The following MCM8 variants were observed in gnomAD, a reference collection of about 807,000 sequenced individuals.
MCM8 encodes the protein DNA helicase MCM8.
MCM8 carries 85 observed loss-of-function variants against 98.9 expected under a neutral mutation model. The observed-to-expected ratio is 0.86, with a 90% confidence interval of 0.72 to 1.03. The LOEUF (loss-of-function observed/expected upper bound fraction) is 1.03, where lower values mean the gene tolerates loss of function less well. Ranked by LOEUF, MCM8 falls within the 50% of genes least tolerant of loss-of-function variation. The pLI is 0.00. For synonymous variants in MCM8, 352 were observed against 338.6 expected (o/e 1.04, Z -0.44); for missense variants, 951 against 997.8 (o/e 0.95, Z 0.63).
At position 5,996,468 on chromosome 20, in the gene MCM8, A is replaced by T. The variant is rs1478406219; in HGVS notation, c.*2077A>T. On this transcript the variant is annotated 3_prime_UTR_variant, in exon 19 of 19. Transcript: ENST00000610722. ...GAGGCAGAGGTTGCAGTGAGCCAAGATCGTACCACTGCACTCCAGCCTGGG... is the reference window on the plus strand; with the variant it reads ...GAGGCAGAGGTTGCAGTGAGCCAAGTTCGTACCACTGCACTCCAGCCTGGG... The T allele has an allele frequency of 3.3e-5, 5 of 152,080 alleles. No individual in the cohort carries two copies. Among genetic ancestry groups the T allele is most frequent in the African/African-American group, 1.2e-4 (5 of 41,390 alleles). 9.4% of individuals were successfully genotyped at this position (152,080 alleles called of 1,614,324 possible).
At chr20:5,968,598 A>G (rs2089331173) in intron 10 of MCM8, among the ~76,000 whole-genome samples, 1 of 152,246 alleles carries the variant, frequency 6.6e-6, no homozygotes, top group African/African-American at 2.4e-5. Context: ...CTATTGGAAC[A>G]TAGCCACACT....
intron 9 of MCM8, 59 bp from the exon 10 acceptor site, chr20:5,967,771 G>C (rs1321598470): frequency 8.4e-6 from 12 of 1,429,318 alleles, no homozygotes; most frequent in Non-Finnish European, 1.1e-5. Context: ...TATTCTAGTT[G>C]AGTCATTGTA....
intron 17 of MCM8, among the ~76,000 whole-genome samples, chr20:5,991,756 A>G (rs546374538): frequency 2.0e-5 from 3 of 152,084 alleles, no homozygotes; most frequent in Non-Finnish European, 4.4e-5. Context: ...GTATATTCCC[A>G]GGGCCCAGAA....
chr20:5,975,354 T>C (rs542248542), intron 12 of MCM8, among the ~76,000 whole-genome samples: 1 of 152,226 alleles, frequency 6.6e-6, no homozygotes, highest in East Asian at 1.9e-4. Flanking sequence ...CTGTCTTTTG[T>C]GTGGTATACC....
chr20:5,969,729 G>C (rs142714640), intron 10 of MCM8, among the ~76,000 whole-genome samples: 1 of 152,084 alleles, frequency 6.6e-6, no homozygotes. Flanking sequence ...GCTCCACAGG[G>C]GTTTTTTGTC....
chr20:5,974,931 C>CT (rs2089477115), intron 12 of MCM8, among the ~76,000 whole-genome samples: 1 of 152,184 alleles, frequency 6.6e-6, no homozygotes, highest in South Asian at 2.1e-4. Context: ...ACAACAGAGG[C>CT]TCAGGGTACC....
intron 10 of MCM8, among the ~76,000 whole-genome samples, chr20:5,968,401 C>T (rs995167071): frequency 6.6e-5 from 10 of 152,022 alleles, no homozygotes; most frequent in African/African-American, 2.4e-4. Context: ...AAAAATTGGC[C>T]GGGCTTGGTG....
chr20:5,965,502 C>A (rs1012703646), intron 8 of MCM8: 6 of 152,154 alleles, frequency 3.9e-5, no homozygotes, highest in Non-Finnish European at 8.8e-5. Context: ...CCTTTCCCTT[C>A]CCATTTTATT....
intron 7 of MCM8, among the ~76,000 whole-genome samples, chr20:5,959,106 C>T (rs948394744): frequency 6.6e-6 from 1 of 151,744 alleles, no homozygotes; most frequent in Admixed American, 6.6e-5. Context: ...GTTTTTTTTC[C>T]CCTTTATTTC....
At position 5,973,120 on chromosome 20, in the gene MCM8, A is replaced by G. The variant is rs369424165; in HGVS notation, c.1319A>G (p.Asn440Ser). Residue 440 changes from asparagine (N) to serine (S), a missense_variant, in exon 12 of 19, where the codon AAC becomes AGC. Coordinates refer to ENST00000610722, the MANE Select transcript of MCM8 (RefSeq NM_032485.6). The part of the protein sequence containing the change: ...GGSQKYADDK[N>S]RIPIRGDPHI... ...AGCCAGAAATACGCAGATGACAAAA[A>G]CAGAATTCCAATTCGGGGAGACCCC... 1.1e-4 allele frequency: 173 copies of G among 1,614,118 alleles called. No individual in the cohort carries two copies. The highest frequency in any genetic ancestry group is 1.5e-4 in the Non-Finnish European group (172 of 1,180,044).
At position 5,950,882 on chromosome 20, in the gene MCM8, G is replaced by A. The variant is rs1378698106; in HGVS notation, c.-147G>A. On this transcript the variant is annotated 5_prime_UTR_variant, in exon 1 of 19. Coordinates refer to ENST00000610722, the MANE Select transcript of MCM8 (RefSeq NM_032485.6). ...GGACTTGGCAGGAGTCGCCTGAGGAGCTAAGATCCCGGAGACTCTTAGCCC... is the reference window on the plus strand; with the variant it reads ...GGACTTGGCAGGAGTCGCCTGAGGAACTAAGATCCCGGAGACTCTTAGCCC... 2.0e-5 allele frequency: 3 copies of A among 152,314 alleles called. No homozygotes were observed. Among genetic ancestry groups the A allele is most frequent in the East Asian group, 1.9e-4 (1 of 5,182 alleles). The allele number at this position is 152,314 out of a possible 1,614,324, so 9.4% of individuals were successfully genotyped here.
chr20:5,967,681 GAATTTC>G, intron 9 of MCM8, 94 bp downstream of exon 9: 1 of 1,437,326 alleles, frequency 7.0e-7, no homozygotes, highest in South Asian at 1.4e-5. Flanking sequence ...ATAATTTGAG[GAATTTC>G]TTGTTGCTTA....
chr20:5,985,638 C>T lies in MCM8; in HGVS notation c.1954-284C>T, dbSNP rs546746813. On this transcript the variant is annotated intron_variant, in intron 15 of 18. Transcript: ENST00000610722. Reference sequence around the variant, plus strand: ...TTGGCTCACTGCAACCTCTGTCTCCCGGGTTCAAGTGATTCTCCTGCCTCA... The same window carrying T: ...TTGGCTCACTGCAACCTCTGTCTCCTGGGTTCAAGTGATTCTCCTGCCTCA... 1.6e-4 allele frequency among the ~76,000 whole-genome samples: 24 copies of T among 151,756 alleles called. 1 individual carries two copies. Among genetic ancestry groups the T allele is most frequent in the African/African-American group, 4.3e-4 (18 of 41,448 alleles).
intron 12 of MCM8, among the ~76,000 whole-genome samples, chr20:5,975,742 C>T (rs1478124136): frequency 3.3e-5 from 5 of 151,298 alleles, no homozygotes; most frequent in Admixed American, 1.3e-4. Context: ...GTGATCCGCC[C>T]GCCTCAGCCT....
chr20:5,958,568 A>C lies in MCM8; in HGVS notation c.631A>C (p.Arg211=), dbSNP rs3761873. The C allele has an allele frequency of 0.061, 99,011 of 1,613,970 alleles. 4,047 individuals are homozygous for C. The highest frequency in any genetic ancestry group is 0.24 in the East Asian group (10,723 of 44,854). The change falls in exon 7 of 19, where the codon AGA becomes CGA. Residue 211 remains arginine (R), a synonymous_variant. Transcript: ENST00000610722. Reference sequence around the variant, plus strand: ...GCCTTTGACACAGCTCAAGAATGTCAGAGCAAATTACTATGGAAAATACAT... The same window carrying C: ...GCCTTTGACACAGCTCAAGAATGTCCGAGCAAATTACTATGGAAAATACAT... ...YEPLTQLKNV[R]ANYYGKYIAL...
chr20:5,970,993 T>A (rs564409989), intron 10 of MCM8, among the ~76,000 whole-genome samples: 26 of 152,194 alleles, frequency 1.7e-4, no homozygotes, highest in African/African-American at 5.3e-4. Context: ...TTTTTTTTTT[T>A]ATAGATATCG....
rs998454067 is a variant in MCM8, at chr20:5,995,763, A to G, written c.*1372A>G. 1.3e-5 allele frequency: 2 copies of G among 152,260 alleles called. No individual in the cohort carries two copies. Among genetic ancestry groups the G allele is most frequent in the Non-Finnish European group, 2.9e-5 (2 of 68,046 alleles). 9.4% of individuals were successfully genotyped at this position (152,260 alleles called of 1,614,324 possible). On this transcript the variant is annotated 3_prime_UTR_variant, in exon 19 of 19. Transcript: ENST00000610722. ...TTGCCAGCCAAACTATCAATCATGT[A>G]TAAATCCAACAAACACTTTGTAACA... is the stretch of plus-strand genomic sequence containing the variant.
intron 10 of MCM8, 79 bp downstream of exon 10, chr20:5,968,104 G>A: frequency 8.1e-7 from 1 of 1,239,382 alleles, no homozygotes. Context: ...CAAAAAACTA[G>A]TCAAAATGGT....
At chr20:5,985,384 C>A (rs1286921926) in intron 15 of MCM8, among the ~76,000 whole-genome samples, 2 of 142,494 alleles carry the variant, frequency 1.4e-5, no homozygotes, top group African/African-American at 5.2e-5. Flanking sequence ...GCGGAGGTTG[C>A]AGTGAGCTGA....
Sources: gnomAD v4.1 joint callset for allele counts (sites outside exome capture counted in the v4.1 genomes callset) on GRCh38, gnomAD v4.1.1 for gene constraint, MANE v1.5 for transcripts, NCBI Gene and HGNC (gene_info 2026-07-23, HGNC 2026-07-21) for gene names.